STOX1: variants seen among roughly 807,000 people sequenced by gnomAD.
STOX1 encodes storkhead-box protein 1.
In STOX1, 57 loss-of-function variants were observed where a neutral mutation model predicts 74.8. That is an observed-to-expected ratio of 0.76 (90% CI 0.62 to 0.95). STOX1 has a LOEUF of 0.95. Among genes scored for constraint, STOX1 ranks in the 40% least tolerant of loss-of-function variants. The probability of loss-of-function intolerance (pLI) is 0.00; values close to 1 mark genes in which losing one functional copy is unlikely to be tolerated. For synonymous variants in STOX1, 375 were observed against 401.3 expected (o/e 0.93, Z 0.78); for missense variants, 1,010 against 1,117.0 (o/e 0.90, Z 1.37).
In STOX1 at chr10:68,885,846, G is replaced by A; in HGVS notation, c.2050G>A (p.Ala684Thr). ...AGTTGGCGTGAACCCTTTAAGACAA[G>A]CTGCAAGACAAGACAAAGACTCAGA... The part of the protein sequence containing the change: ...YPVGVNPLRQ[A>T]ARQDKDSEEL... The change falls in exon 3 of 4, where the codon GCT (alanine) becomes ACT (threonine). Residue 684 changes from alanine to threonine, a missense_variant. Physicochemically the swap from Ala to Thr is moderately conservative, Grantham distance 58. Transcript: ENST00000298596. 2.5e-6 allele frequency: 4 copies of A among 1,614,040 alleles called. No individual in the cohort carries two copies. Among genetic ancestry groups the A allele is most frequent in the Non-Finnish European group, 2.5e-6 (3 of 1,180,024 alleles).
intron 1 of STOX1, among the ~76,000 whole-genome samples, chr10:68,837,829 G>A (rs898786657): frequency 2.6e-5 from 4 of 152,166 alleles, no homozygotes; most frequent in Non-Finnish European, 5.9e-5. Flanking sequence ...CCTTTTTACT[G>A]CACAGATTTG....
At chr10:68,831,641 T>TA (rs1214540638) in intron 1 of STOX1, among the ~76,000 whole-genome samples, 1 of 152,106 alleles carries the variant, frequency 6.6e-6, no homozygotes, top group Non-Finnish European at 1.5e-5. Flanking sequence ...ACCTGGGACT[T>TA]ACAAGGTAAG....
intron 1 of STOX1, among the ~76,000 whole-genome samples, chr10:68,840,066 G>T (rs1564570238): frequency 6.6e-6 from 1 of 152,192 alleles, no homozygotes; most frequent in Non-Finnish European, 1.5e-5. Flanking sequence ...CCTTGAGGGT[G>T]CCGAGAACAC....
At chr10:68,832,237 A>ATAC (rs1028134188) in intron 1 of STOX1, among the ~76,000 whole-genome samples, 2 of 152,058 alleles carry the variant, frequency 1.3e-5, no homozygotes, top group Admixed American at 1.3e-4. Flanking sequence ...TACTCTGAGA[A>ATAC]TACACCTAAC....
Position 68,886,312 on chromosome 10 carries a change from G to A in STOX1, c.2516G>A (p.Ser839Asn), listed in dbSNP as rs763888154. The A allele has an allele frequency of 2.5e-6, 4 of 1,614,224 alleles. 1 individual carries two copies. Among genetic ancestry groups the A allele is most frequent in the South Asian group, 2.2e-5 (2 of 91,086 alleles). The change falls in exon 3 of 4, where the codon AGT becomes AAT. Residue 839 changes from serine (S) to asparagine (N), a missense_variant. Physicochemically the swap from Ser to Asn is conservative, Grantham distance 46. Coordinates refer to ENST00000298596, the MANE Select transcript of STOX1 (RefSeq NM_152709.5). ...QFGFNYEEEP[S>N]VAKCVQASAP... ...GGTTTTAACTACGAAGAAGAACCCAGTGTTGCTAAATGTGTACAGGCCTCA... is the reference window on the plus strand; with the variant it reads ...GGTTTTAACTACGAAGAAGAACCCAATGTTGCTAAATGTGTACAGGCCTCA...
rs915113701 is a variant in STOX1 at position 68,864,064 on chromosome 10, A to G, written c.311-17894A>G. ...CTCAGCCTCCCAATTAGCTGGGACT[A>G]TAGGCACCCGCCACCGCACCAGCTA... is the stretch of plus-strand genomic sequence containing the variant. On this transcript the variant is annotated intron_variant, in intron 1 of 3. Coordinates refer to ENST00000298596, the MANE Select transcript of STOX1 (RefSeq NM_152709.5). 4.6e-5 allele frequency among the ~76,000 whole-genome samples: 7 copies of G among 152,080 alleles called. No individual in the cohort carries two copies. The East Asian group carries it at 1.2e-3, about 25-fold the overall frequency.
rs572402924 is a variant in STOX1 at position 68,887,220 on chromosome 10, T to C, written c.2822+602T>C. On this transcript the variant is annotated intron_variant, in intron 3 of 3. Coordinates refer to ENST00000298596, the MANE Select transcript of STOX1 (RefSeq NM_152709.5). Reference sequence around the variant, plus strand: ...AGCCAAGCACTTTCTGAACTGAGGGTTGGAAGTTTTCACTTCTATTCCTGG... The same window carrying C: ...AGCCAAGCACTTTCTGAACTGAGGGCTGGAAGTTTTCACTTCTATTCCTGG... Among the ~76,000 whole-genome samples the C allele has an allele frequency of 7.9e-5, 12 of 152,322 alleles. No homozygotes were observed. In the East Asian group the frequency reaches 1.7e-3, roughly 22 times the overall value.
intron 1 of STOX1, among the ~76,000 whole-genome samples, chr10:68,842,441 C>CT (rs2133510299): frequency 6.6e-6 from 1 of 151,370 alleles, no homozygotes; most frequent in South Asian, 2.1e-4. Context: ...ATAATTGACT[C>CT]TTTTTTCTCT....
chr10:68,855,116 A>T (rs1589224101), intron 1 of STOX1, among the ~76,000 whole-genome samples: 1 of 71,552 alleles, frequency 1.4e-5, no homozygotes, highest in African/African-American at 5.9e-5. Context: ...ACTGTTTCTT[A>T]AAAAAAAATT....
intron 1 of STOX1, among the ~76,000 whole-genome samples, chr10:68,864,616 T>C (rs191531524): frequency 1.3e-5 from 2 of 152,246 alleles, no homozygotes; most frequent in Admixed American, 6.5e-5. Context: ...TGAATTAGTA[T>C]GTGGAAGGAA....
intron 1 of STOX1, among the ~76,000 whole-genome samples, chr10:68,841,208 G>A (rs1839686594): frequency 6.6e-6 from 1 of 151,870 alleles, no homozygotes; most frequent in African/African-American, 2.4e-5. Flanking sequence ...GTCTCCCAAA[G>A]TGCTGGGCTT....
chr10:68,828,334 C>A, intron 1 of STOX1: 1 of 1,077,452 alleles, frequency 9.3e-7, no homozygotes, highest in Non-Finnish European at 1.1e-6. Context: ...CTCCGCGCTG[C>A]AGGGGCGAGC....
intron 1 of STOX1, among the ~76,000 whole-genome samples, chr10:68,829,294 C>T (rs1206068359): frequency 6.6e-6 from 1 of 152,188 alleles, no homozygotes; most frequent in Non-Finnish European, 1.5e-5. Context: ...GGCTAACATG[C>T]TGAAACCCCT....
rs1395938982 is a variant in STOX1, at chr10:68,827,649, C to A, written c.26C>A (p.Pro9Gln). MARPVQLA[P>Q]GSLALVLCRL... ...ATGGCCCGGCCCGTGCAGCTGGCGC[C>A]GGGCTCGCTGGCGCTAGTGCTGTGC... is the stretch of plus-strand genomic sequence containing the variant. The change falls in exon 1 of 4, where the codon CCG becomes CAG. Residue 9 changes from proline (P) to glutamine (Q), a missense_variant. Physicochemically the swap from Pro to Gln is moderately conservative, Grantham distance 76. Coordinates refer to ENST00000298596, the MANE Select transcript of STOX1 (RefSeq NM_152709.5). 8 of 1,143,516 alleles carry A rather than the reference C, an allele frequency of 7.0e-6. No homozygotes were observed. Among genetic ancestry groups the A allele is most frequent in the Non-Finnish European group, 8.6e-6 (8 of 931,500 alleles). The allele number at this position is 1,143,516 out of a possible 1,614,324, so 70.8% of individuals were successfully genotyped here. A position where few individuals can be genotyped will look rare whatever the true frequency, so the allele number is the denominator to read the frequency against.
chr10:68,832,013 C>G (rs1194237400), intron 1 of STOX1, among the ~76,000 whole-genome samples: 2 of 151,914 alleles, frequency 1.3e-5, no homozygotes, highest in Non-Finnish European at 2.9e-5. Flanking sequence ...GATCCTCCCC[C>G]CTCGGCCTCC....
chr10:68,879,480 T>TA (rs1840757317), intron 1 of STOX1, among the ~76,000 whole-genome samples: 2 of 152,176 alleles, frequency 1.3e-5, no homozygotes, highest in Admixed American at 1.3e-4. Context: ...ACGCCCTTGA[T>TA]ACACTTTCCC....
chr10:68,881,043 G>A (rs1840804166), intron 1 of STOX1, among the ~76,000 whole-genome samples: 1 of 152,102 alleles, frequency 6.6e-6, no homozygotes, highest in South Asian at 2.1e-4. Context: ...GTTTCTTGGT[G>A]CTTTTCTTTA....
intron 1 of STOX1, among the ~76,000 whole-genome samples, chr10:68,865,216 C>G (rs562533807): frequency 1.1e-4 from 16 of 152,348 alleles, no homozygotes; most frequent in African/African-American, 3.8e-4. Flanking sequence ...GTTTAACATG[C>G]CTTGTGGCAA....
chr10:68,883,507 G>A (rs1208207680), intron 2 of STOX1, among the ~76,000 whole-genome samples: 3 of 151,964 alleles, frequency 2.0e-5, no homozygotes, highest in African/African-American at 7.3e-5. Flanking sequence ...CTGCCTCCAA[G>A]GGTTCAAGCA....
Sources: allele counts gnomAD v4.1 joint callset (sites outside exome capture counted in the v4.1 genomes callset), GRCh38; gene constraint gnomAD v4.1.1; transcripts MANE v1.5; gene names NCBI Gene and HGNC (gene_info 2026-07-23, HGNC 2026-07-21).